ARHGAP15: variants seen among roughly 807,000 people sequenced by gnomAD.
ARHGAP15 encodes Rho GTPase activating protein 15.
A neutral mutation model predicts 63.7 loss-of-function variants in ARHGAP15; 51 were observed. The observed-to-expected ratio is 0.80, with a 90% confidence interval of 0.64 to 1.01. The LOEUF is 1.01. Among genes scored for constraint, ARHGAP15 ranks in the 50% least tolerant of loss-of-function variants. The pLI is 0.00. For missense variants in ARHGAP15, 560 were observed against 564.6 expected, an observed-to-expected ratio of 0.99 and a Z score of 0.08; for synonymous variants, 191 against 193.8, an observed-to-expected ratio of 0.99 and a Z score of 0.12.
intron 12 of ARHGAP15, chr2:143,655,991 C>T (rs1387151067): frequency 6.6e-6 from 1 of 152,186 alleles, no homozygotes; most frequent in East Asian, 1.9e-4. Context: ...CACTGCAGAT[C>T]TTGTTTAAGC....
At chr2:143,406,054 TTC>T (rs1007610078) in intron 6 of ARHGAP15, among the ~76,000 whole-genome samples, 1 of 151,952 alleles carries the variant, frequency 6.6e-6, no homozygotes, top group African/African-American at 2.4e-5. Flanking sequence ...TTGAATATTT[TTC>T]TGTTTCATTT....
At chr2:143,447,948 G>A (rs1373199385) in intron 8 of ARHGAP15, among the ~76,000 whole-genome samples, 1 of 152,148 alleles carries the variant, frequency 6.6e-6, no homozygotes, top group Non-Finnish European at 1.5e-5. Context: ...TTGATCACAG[G>A]TAATATATTT....
chr2:143,763,761 TATAA>T lies in ARHGAP15; in HGVS notation c.1245-4224_1245-4221del, dbSNP rs1407822365. Among the ~76,000 whole-genome samples the T allele has an allele frequency of 1.3e-4, 19 of 148,366 alleles. No homozygotes were observed. In the East Asian group the frequency reaches 1.9e-3, roughly 15 times the overall value. Reference sequence around the variant, plus strand: ...ATGTATGTATATGTATATGTATGTATATAAATATATTTATATACATATAAATTTT... The same window carrying T: ...ATGTATGTATATGTATATGTATGTATATATATTTATATACATATAAATTTT... On this transcript the variant is annotated intron_variant, in intron 13 of 13. Coordinates refer to ENST00000295095, the MANE Select transcript of ARHGAP15 (RefSeq NM_018460.4).
At chr2:143,550,201 C>A (rs1370120825) in intron 10 of ARHGAP15, among the ~76,000 whole-genome samples, 2 of 152,080 alleles carry the variant, frequency 1.3e-5, no homozygotes, top group African/African-American at 2.4e-5. Context: ...AAGAATCAAT[C>A]TGACATCAGA....
chr2:143,624,004 A>C, intron 11 of ARHGAP15, 129 bp from the exon 12 acceptor site: 1 of 1,117,394 alleles, frequency 8.9e-7, no homozygotes. Flanking sequence ...AATGCACAGC[A>C]CCAAACCTCT....
intron 6 of ARHGAP15, among the ~76,000 whole-genome samples, chr2:143,426,291 C>A (rs1174941875): frequency 6.6e-6 from 1 of 152,112 alleles, no homozygotes; most frequent in South Asian, 2.1e-4. Flanking sequence ...ATAATAGAGG[C>A]TGTGAATCCT....
chr2:143,525,648 C>T (rs1244758159), intron 10 of ARHGAP15, among the ~76,000 whole-genome samples: 1 of 152,112 alleles, frequency 6.6e-6, no homozygotes, highest in East Asian at 1.9e-4. Context: ...TTTAATGCAG[C>T]CACAAAGACT....
chr2:143,757,660 A>C (rs1686627396), intron 13 of ARHGAP15, among the ~76,000 whole-genome samples: 1 of 152,158 alleles, frequency 6.6e-6, no homozygotes. Context: ...TTATTCAACA[A>C]ATGTCATAGG....
At chr2:143,668,566 GC>G (rs1682356523) in intron 12 of ARHGAP15, among the ~76,000 whole-genome samples, 1 of 85,220 alleles carries the variant, frequency 1.2e-5, no homozygotes, top group South Asian at 3.9e-4. Context: ...GGTGCAATTA[GC>G]TAGTTTGACA....
At chr2:143,549,862 C>T (rs1229033124) in intron 10 of ARHGAP15, among the ~76,000 whole-genome samples, 1 of 152,160 alleles carries the variant, frequency 6.6e-6, no homozygotes, top group Admixed American at 6.5e-5. Flanking sequence ...ACCCATTTAT[C>T]CTGCGAGACA....
chr2:143,363,094 C>T (rs1054496304), intron 6 of ARHGAP15, among the ~76,000 whole-genome samples: 6 of 152,204 alleles, frequency 3.9e-5, no homozygotes. Context: ...TTAATATTCT[C>T]TGCATCATTC....
intron 2 of ARHGAP15, among the ~76,000 whole-genome samples, chr2:143,181,501 G>A (rs889276159): frequency 2.4e-4 from 36 of 152,272 alleles, no homozygotes; most frequent in South Asian, 2.3e-3. Context: ...ATTTTAGCTG[G>A]ATCTTCTAGA....
intron 6 of ARHGAP15, among the ~76,000 whole-genome samples, chr2:143,336,445 T>C (rs1471136061): frequency 6.6e-6 from 1 of 152,172 alleles, no homozygotes; most frequent in African/African-American, 2.4e-5. Context: ...CTAGCAAAAT[T>C]GACGGAGGGC....
At chr2:143,474,152 G>A (rs1445040750) in intron 8 of ARHGAP15, among the ~76,000 whole-genome samples, 1 of 152,036 alleles carries the variant, frequency 6.6e-6, no homozygotes, top group Admixed American at 6.5e-5. Flanking sequence ...CTGGCATTCA[G>A]CAACAAAATC....
chr2:143,365,331 G>T (rs1686250105), intron 6 of ARHGAP15, among the ~76,000 whole-genome samples: 1 of 152,198 alleles, frequency 6.6e-6, no homozygotes, highest in African/African-American at 2.4e-5. Flanking sequence ...TTCAGCAAAT[G>T]CTTTGGCACA....
chr2:143,478,400 TTG>T (rs1691923018), intron 8 of ARHGAP15, among the ~76,000 whole-genome samples: 5 of 152,130 alleles, frequency 3.3e-5, no homozygotes, highest in Non-Finnish European at 7.3e-5. Context: ...AGACCTTAGG[TTG>T]CAAGTACTTG....
rs928144967 is a variant in ARHGAP15 at position 143,446,906 on chromosome 2, G to A, written c.703+9864G>A. On this transcript the variant is annotated intron_variant, in intron 8 of 13. Coordinates refer to ENST00000295095, the MANE Select transcript of ARHGAP15 (RefSeq NM_018460.4). ...TGGGTTTTTGTTCTTGCAATAGTTT[G>A]CTGAGAATGATGATTTCCAATTTCA... is the stretch of plus-strand genomic sequence containing the variant. Among the ~76,000 whole-genome samples, 8 of 151,718 alleles carry A rather than the reference G, an allele frequency of 5.3e-5. No individual in the cohort carries two copies. The East Asian group carries it at 7.8e-4, about 15-fold the overall frequency.
At chr2:143,502,239 T>C (rs1174837964) in intron 9 of ARHGAP15, among the ~76,000 whole-genome samples, 1 of 151,856 alleles carries the variant, frequency 6.6e-6, no homozygotes, top group African/African-American at 2.4e-5. Flanking sequence ...TGAAACCCCA[T>C]CTCCACTAAA....
At chr2:143,333,334 C>A (rs1005326361) in intron 6 of ARHGAP15, among the ~76,000 whole-genome samples, 2 of 152,160 alleles carry the variant, frequency 1.3e-5, no homozygotes, top group Non-Finnish European at 2.9e-5. Flanking sequence ...GATGACACGT[C>A]GGTGAACTTT....
Sources: allele counts gnomAD v4.1 joint callset (sites outside exome capture counted in the v4.1 genomes callset), GRCh38; gene constraint gnomAD v4.1.1; transcripts MANE v1.5; gene names NCBI Gene and HGNC (gene_info 2026-07-23, HGNC 2026-07-21).